The following ANKRD44 variants were observed in gnomAD, a reference collection of about 807,000 sequenced individuals.
The protein encoded by ANKRD44 is serine/threonine-protein phosphatase 6 regulatory ankyrin repeat subunit B.
ANKRD44 carries 35 observed loss-of-function variants against 116.0 expected under a neutral mutation model. The observed-to-expected ratio is 0.30, with a 90% CI of 0.23 to 0.40. The LOEUF (loss-of-function observed/expected upper bound fraction) is 0.40. ANKRD44 is among the 10% of genes least tolerant of loss of function. The probability of loss-of-function intolerance (pLI) is 1.00; values close to 1 mark genes in which losing one functional copy is unlikely to be tolerated. For synonymous variants in ANKRD44, 435 were observed against 461.8 expected, an observed-to-expected ratio of 0.94 and a Z score of 0.74; for missense variants, 1,014 against 1,242.6, an observed-to-expected ratio of 0.82 and a Z score of 2.77.
chr2:197,006,289 C>G (rs188067449), intron 20 of ANKRD44, among the ~76,000 whole-genome samples: 9 of 151,844 alleles, frequency 5.9e-5, no homozygotes, highest in African/African-American at 1.7e-4. Flanking sequence ...AAAAAAAATA[C>G]GAAAAATTAG....
chr2:197,093,763 T>G (rs1387748886), intron 10 of ANKRD44, among the ~76,000 whole-genome samples: 1 of 152,214 alleles, frequency 6.6e-6, no homozygotes, highest in Non-Finnish European at 1.5e-5. Context: ...GGAAGGATTA[T>G]AAAACCTTTA....
intron 16 of ANKRD44, among the ~76,000 whole-genome samples, chr2:197,035,456 G>A (rs1219397340): frequency 6.6e-6 from 1 of 152,164 alleles, no homozygotes; most frequent in Non-Finnish European, 1.5e-5. Context: ...CTACACACTG[G>A]TTTACACAAA....
intron 16 of ANKRD44, among the ~76,000 whole-genome samples, chr2:197,038,287 C>T (rs1469663002): frequency 8.6e-5 from 13 of 151,674 alleles, no homozygotes; most frequent in Non-Finnish European, 1.6e-4. Flanking sequence ...ATTTCTGAGC[C>T]TTCTTCTATC....
At position 197,078,807 on chromosome 2, in the gene ANKRD44, C is replaced by G. The variant is rs369157403; in HGVS notation, c.1546G>C (p.Glu516Gln). 1.1e-5 allele frequency: 17 copies of G among 1,612,620 alleles called. No homozygotes were observed. The highest frequency in any genetic ancestry group is 1.6e-4 in the Middle Eastern group (1 of 6,070). The change falls in exon 16 of 28, where the codon GAG (glutamate) becomes CAG (glutamine). Residue 516 changes from glutamate to glutamine, a missense_variant. By Grantham distance (29) the Glu-to-Gln change is conservative (BLOSUM62 2). Transcript: ENST00000282272. ...LKEKEATLCLEFLLQNDANPS... is the reference protein window; with the variant it reads ...LKEKEATLCLQFLLQNDANPS... ...TTTGCATCATTTTGAAGCAGAAACT[C>G]TAGACATCTGTAAGTATAAAGATGA... is the stretch of plus-strand genomic sequence containing the variant.
chr2:197,156,525 C>T (rs1018182311), intron 2 of ANKRD44, among the ~76,000 whole-genome samples: 3 of 152,214 alleles, frequency 2.0e-5, no homozygotes, highest in Non-Finnish European at 4.4e-5. Context: ...GATATAGTCA[C>T]TTTGAAAAAC....
rs79577601 is a variant in ANKRD44, at chr2:197,199,891, C to T, written c.28-12785G>A. Among the ~76,000 whole-genome samples, 431 of 152,196 alleles carry T rather than the reference C, an allele frequency of 2.8e-3. 4 individuals are homozygous for T. The highest frequency in any genetic ancestry group is 9.6e-3 in the African/African-American group (400 of 41,518). The stretch of plus-strand genomic sequence containing the variant: ...ATATGCCATAACATATTCAATTATT[C>T]CCCTTCGAATGGGCATTTGGGTTGT... On this transcript the variant is annotated intron_variant, in intron 1 of 27. Coordinates refer to ENST00000282272, the MANE Select transcript of ANKRD44 (RefSeq NM_001195144.2).
Position 197,075,987 on chromosome 2 carries a change from C to T in ANKRD44, c.1650+2716G>A, listed in dbSNP as rs374999995. ...CAAATCAGCTGGTCCAGATGGCCCCCCATCTTCTTCAATCCTACTCCAGCG... is the reference window on the plus strand; with the variant it reads ...CAAATCAGCTGGTCCAGATGGCCCCTCATCTTCTTCAATCCTACTCCAGCG... On this transcript the variant is annotated intron_variant, in intron 16 of 27. Transcript: ENST00000282272. Among the ~76,000 whole-genome samples, 27 of 152,282 alleles carry T rather than the reference C, an allele frequency of 1.8e-4. No individual in the cohort carries two copies. In the South Asian group the frequency reaches 3.1e-3, roughly 18 times the overall value.
intron 3 of ANKRD44, 113 bp downstream of exon 3, chr2:197,146,912 ACT>A: frequency 1.3e-6 from 1 of 746,886 alleles, no homozygotes; most frequent in Admixed American, 3.1e-5. Context: ...TATCACATAA[ACT>A]TCCATGAACA....
chr2:197,194,482 C>T (rs1022112226), intron 1 of ANKRD44, among the ~76,000 whole-genome samples: 5 of 152,148 alleles, frequency 3.3e-5, no homozygotes, highest in African/African-American at 4.8e-5. Context: ...GGAGCTGTGA[C>T]GAAGTCTAAT....
chr2:197,116,026 G>C (rs2078698965), intron 8 of ANKRD44, among the ~76,000 whole-genome samples: 1 of 152,152 alleles, frequency 6.6e-6, no homozygotes, highest in Admixed American at 6.5e-5. Context: ...ATGATCAGCA[G>C]TCCACAGGAA....
Position 196,999,331 on chromosome 2 carries a change from C to T in ANKRD44, c.2520-279G>A, listed in dbSNP as rs576143454. Among the ~76,000 whole-genome samples, 7 of 152,142 alleles carry T rather than the reference C, an allele frequency of 4.6e-5. No homozygotes were observed. The South Asian group carries it at 1.0e-3, about 23-fold the overall frequency. On this transcript the variant is annotated intron_variant, in intron 23 of 27. Transcript: ENST00000282272. ...TCTTTAATCTTAAGTTCCAGTGAGT[C>T]TACTTTTATCTTTGAGATAGATACT...
intron 10 of ANKRD44, among the ~76,000 whole-genome samples, chr2:197,094,527 T>C (rs2078117377): frequency 6.6e-6 from 1 of 152,224 alleles, no homozygotes; most frequent in Non-Finnish European, 1.5e-5. Flanking sequence ...TTAAAATCAG[T>C]TGTATGATTC....
intron 21 of ANKRD44, among the ~76,000 whole-genome samples, chr2:196,978,250 G>A (rs2075773936): frequency 6.6e-6 from 1 of 151,578 alleles, no homozygotes; most frequent in Non-Finnish European, 1.5e-5. Flanking sequence ...TTGTTTAAAA[G>A]AGTGTGGCAC....
chr2:197,125,040 A>G (rs2078943712), intron 6 of ANKRD44, among the ~76,000 whole-genome samples: 1 of 152,242 alleles, frequency 6.6e-6, no homozygotes, highest in Non-Finnish European at 1.5e-5. Context: ...TTGCTTTCCG[A>G]GCCAGTGCTC....
chr2:197,070,395 T>C (rs757557142), intron 16 of ANKRD44, among the ~76,000 whole-genome samples: 2 of 152,244 alleles, frequency 1.3e-5, no homozygotes, highest in East Asian at 1.9e-4. Flanking sequence ...TTCCCCTCTA[T>C]CTAATATTTC....
At chr2:197,041,955 T>G (rs1039985800) in intron 16 of ANKRD44, among the ~76,000 whole-genome samples, 1 of 152,162 alleles carries the variant, frequency 6.6e-6, no homozygotes. Context: ...TTAAATCAGG[T>G]TTTCATTTAG....
At chr2:197,285,966 C>G (rs1283237853) in intron 1 of ANKRD44, among the ~76,000 whole-genome samples, 2 of 152,214 alleles carry the variant, frequency 1.3e-5, no homozygotes, top group African/African-American at 4.8e-5. Context: ...CACAAAATGC[C>G]TGAGCCCCAG....
intron 1 of ANKRD44, among the ~76,000 whole-genome samples, chr2:197,281,975 C>T (rs1159840969): frequency 6.6e-6 from 1 of 152,134 alleles, no homozygotes; most frequent in African/African-American, 2.4e-5. Context: ...AACTGCAGGA[C>T]AGCCGTGGTG....
At chr2:197,001,897 A>T in intron 21 of ANKRD44, 57 bp from the exon 22 acceptor site, 1 of 1,343,068 alleles carries the variant, frequency 7.4e-7, no homozygotes, top group South Asian at 1.2e-5. Context: ...TGTTCAACCC[A>T]ATCTGCTTTT....
Sources: allele counts gnomAD v4.1 joint callset (sites outside exome capture counted in the v4.1 genomes callset), GRCh38; gene constraint gnomAD v4.1.1; transcripts MANE v1.5; gene names NCBI Gene and HGNC (gene_info 2026-07-23, HGNC 2026-07-21).